Variants in SYBU observed in about 807,000 individuals in gnomAD.
The protein encoded by SYBU is syntabulin, also known as GOLSYN A protein.
A neutral mutation model predicts 35.9 loss-of-function variants in SYBU; 21 were observed. The ratio of observed to expected loss-of-function variants is 0.58; its 90% CI spans 0.41 to 0.84. The LOEUF is 0.84. Ranked by LOEUF, SYBU falls within the 40% of genes least tolerant of loss-of-function variation. The pLI is 0.00. For missense variants in SYBU, 768 were observed against 848.2 expected, an observed-to-expected ratio of 0.91 and a Z score of 1.17; for synonymous variants, 319 against 324.3, an observed-to-expected ratio of 0.98 and a Z score of 0.18.
chr8:109,651,637 T>C (rs779156524), intron 1 of SYBU, among the ~76,000 whole-genome samples: 3 of 152,062 alleles, frequency 2.0e-5, no homozygotes, highest in Non-Finnish European at 4.4e-5. Flanking sequence ...GAAAATAAAC[T>C]TAATAACAGT....
At chr8:109,637,719 T>C (rs1036762313) in intron 2 of SYBU, among the ~76,000 whole-genome samples, 1 of 152,154 alleles carries the variant, frequency 6.6e-6, no homozygotes, top group African/African-American at 2.4e-5. Flanking sequence ...ATGCCAAGTT[T>C]CCCCAACTGT....
intron 1 of SYBU, among the ~76,000 whole-genome samples, chr8:109,674,477 G>C (rs146803755): frequency 0.098 from 14,918 of 152,098 alleles, 1,090 homozygotes; most frequent in Admixed American, 0.22. Flanking sequence ...TTACAGACAA[G>C]CAAATGCTGA....
chr8:109,656,087 G>C (rs912946627), intron 1 of SYBU, among the ~76,000 whole-genome samples: 7 of 151,210 alleles, frequency 4.6e-5, no homozygotes, highest in African/African-American at 1.7e-4. Context: ...CTGCACTCCA[G>C]ACTGGACAAC....
At chr8:109,605,411 C>A (rs916812327) in intron 3 of SYBU, among the ~76,000 whole-genome samples, 2 of 152,146 alleles carry the variant, frequency 1.3e-5, no homozygotes, top group African/African-American at 4.8e-5. Flanking sequence ...TACATTGATT[C>A]CAAGTTCCCA....
intron 1 of SYBU, among the ~76,000 whole-genome samples, chr8:109,666,675 T>C (rs28545681): frequency 0.011 from 1,743 of 152,048 alleles, 11 homozygotes; most frequent in Middle Eastern, 0.051. Context: ...GTGGTGGGGG[T>C]TGGCAGAGGT....
chr8:109,598,810 T>C (rs1825177408), intron 3 of SYBU, among the ~76,000 whole-genome samples: 1 of 152,268 alleles, frequency 6.6e-6, no homozygotes, highest in African/African-American at 2.4e-5. Flanking sequence ...GTTCACACCC[T>C]GTTCAAAGTG....
At position 109,584,518 on chromosome 8, in the gene SYBU, G is replaced by C. The variant is rs2129664614; in HGVS notation, c.530+1542C>G. Among the ~76,000 whole-genome samples the C allele has an allele frequency of 6.6e-6, 1 of 152,160 alleles. No individual in the cohort carries two copies. The highest frequency in any genetic ancestry group is 3.4e-3 in the Middle Eastern group (1 of 294). ...GGGTTATATAAATGGTTTATTCTTAGAGCAAGCCACATCTGATTTACACAG... is the reference window on the plus strand; with the variant it reads ...GGGTTATATAAATGGTTTATTCTTACAGCAAGCCACATCTGATTTACACAG... On this transcript the variant is annotated intron_variant, in intron 4 of 6. Transcript: ENST00000276646. This position sits in a 1 kb window ranked among gnomAD's most constrained non-coding sequence, Gnocchi z 4.0.
chr8:109,619,559 A>T (rs1182929710), intron 2 of SYBU, among the ~76,000 whole-genome samples: 1 of 152,114 alleles, frequency 6.6e-6, no homozygotes. Context: ...ATATTTCTGT[A>T]ACACTCATTT....
intron 3 of SYBU, among the ~76,000 whole-genome samples, chr8:109,613,912 A>G (rs941411265): frequency 3.0e-4 from 46 of 152,342 alleles, no homozygotes; most frequent in African/African-American, 1.0e-3. Flanking sequence ...TAAGGTTATT[A>G]GAGTTCAGCT....
rs1482998438 is a variant in SYBU, at chr8:109,579,978, A to G, written c.555T>C (p.Asn185=). ...TGCCAGGCTTGTGTGACGAAGCTCCATTACTCCGCCCATGAGGACCTCGAC... is the reference window on the plus strand; with the variant it reads ...TGCCAGGCTTGTGTGACGAAGCTCCGTTACTCCGCCCATGAGGACCTCGAC... ...SRNRGPHGRS[N]GASSHKPGSS... is the part of the protein sequence containing the mutation. Residue 185 remains asparagine (N), a synonymous_variant, in exon 5 of 7, where the codon AAT becomes AAC. Transcript: ENST00000276646. 1 of 1,613,144 alleles carries G rather than the reference A, an allele frequency of 6.2e-7. No homozygotes were observed. Among genetic ancestry groups the G allele is most frequent in the Admixed American group, 1.7e-5 (1 of 60,028 alleles).
intron 1 of SYBU, among the ~76,000 whole-genome samples, chr8:109,660,457 A>T (rs951657599): frequency 7.2e-5 from 11 of 152,184 alleles, no homozygotes; most frequent in African/African-American, 2.2e-4. Context: ...GCCATTTTTC[A>T]AAGCTAAGGT....
intron 1 of SYBU, among the ~76,000 whole-genome samples, chr8:109,662,107 G>A (rs972209265): frequency 5.3e-5 from 8 of 152,124 alleles, no homozygotes; most frequent in African/African-American, 1.9e-4. Flanking sequence ...TATTCCTTTA[G>A]GAAGTGAGAA....
In SYBU at chr8:109,678,690, C is replaced by T. The variant is rs143887870; in HGVS notation, c.-129+2021G>A. 3.0e-3 allele frequency among the ~76,000 whole-genome samples: 463 copies of T among 152,152 alleles called. 2 individuals are homozygous for T. The highest frequency in any genetic ancestry group is 9.9e-3 in the African/African-American group (409 of 41,500). ...TCCTGACATCGTGATCCACCCGCCTCGGCCTCCCAAAGTGCTGGGATTATA... is the reference window on the plus strand; with the variant it reads ...TCCTGACATCGTGATCCACCCGCCTTGGCCTCCCAAAGTGCTGGGATTATA... On this transcript the variant is annotated intron_variant, in intron 1 of 5. Transcript: ENST00000408889.
At chr8:109,587,297 C>T (rs1173146744) in intron 3 of SYBU, among the ~76,000 whole-genome samples, 1 of 152,126 alleles carries the variant, frequency 6.6e-6, no homozygotes, top group Non-Finnish European at 1.5e-5. Flanking sequence ...TTACTAGGTC[C>T]CAGGCCCTGT....
intron 1 of SYBU, among the ~76,000 whole-genome samples, chr8:109,666,636 G>GA (rs921188659): frequency 6.6e-5 from 10 of 152,108 alleles, no homozygotes; most frequent in Non-Finnish European, 1.3e-4. Context: ...TGCTATTTGG[G>GA]AGACCAAGGC....
At chr8:109,632,925 T>A (rs1813804758) in intron 2 of SYBU, among the ~76,000 whole-genome samples, 1 of 152,200 alleles carries the variant, frequency 6.6e-6, no homozygotes, top group African/African-American at 2.4e-5. Context: ...GCCATGCCGG[T>A]AGTGTTTATT....
intron 1 of SYBU, among the ~76,000 whole-genome samples, chr8:109,661,795 C>G (rs1816573034): frequency 1.3e-5 from 2 of 152,108 alleles, no homozygotes; most frequent in Admixed American, 1.3e-4. Context: ...TGGTAGAGCA[C>G]CGGTCTAGGG....
At chr8:109,635,263 G>C (rs924239471) in intron 2 of SYBU, among the ~76,000 whole-genome samples, 1 of 152,126 alleles carries the variant, frequency 6.6e-6, no homozygotes, top group African/African-American at 2.4e-5. Flanking sequence ...ACTTAATCTT[G>C]CGGTGATACC....
chr8:109,576,586 A>G (rs911126449), intron 6 of SYBU, among the ~76,000 whole-genome samples: 1 of 152,192 alleles, frequency 6.6e-6, no homozygotes, highest in African/African-American at 2.4e-5. Context: ...TATTCCAATG[A>G]TAAACATTTT....
Sources: gnomAD v4.1 joint callset for allele counts (sites outside exome capture counted in the v4.1 genomes callset) on GRCh38, gnomAD v4.1.1 for gene constraint, Gnocchi (gnomAD v3.1) non-coding constraint, MANE v1.5 for transcripts, NCBI Gene and HGNC (gene_info 2026-07-23, HGNC 2026-07-21) for gene names.